PTPRR: variants seen among roughly 807,000 people sequenced by gnomAD.
The protein encoded by PTPRR is protein tyrosine phosphatase receptor type R, also known as receptor-type tyrosine-protein phosphatase R.
In PTPRR, 38 loss-of-function variants were observed where a neutral mutation model predicts 77.2. The ratio of observed to expected loss-of-function variants is 0.49; its 90% CI spans 0.38 to 0.65. The LOEUF (loss-of-function observed/expected upper bound fraction) is 0.65, where lower values mean the gene tolerates loss of function less well. PTPRR is among the 30% of genes least tolerant of loss of function. The probability of loss-of-function intolerance (pLI) is 0.00; values close to 1 mark genes in which losing one functional copy is unlikely to be tolerated. For synonymous variants in PTPRR, 299 were observed against 283.1 expected, an observed-to-expected ratio of 1.06 and a Z score of -0.57; for missense variants, 744 against 799.2, an observed-to-expected ratio of 0.93 and a Z score of 0.83.
intron 2 of PTPRR, among the ~76,000 whole-genome samples, chr12:70,809,240 G>T (rs1891766042): frequency 6.6e-6 from 1 of 152,164 alleles, no homozygotes; most frequent in South Asian, 2.1e-4. Flanking sequence ...ATGATGCTTA[G>T]AGATGTGCAG....
chr12:70,732,640 G>A (rs923983420), intron 6 of PTPRR, among the ~76,000 whole-genome samples: 1 of 151,988 alleles, frequency 6.6e-6, no homozygotes, highest in African/African-American at 2.4e-5. Flanking sequence ...AGCTCATTGC[G>A]ACCTCCGCAT....
At position 70,718,562 on chromosome 12, in the gene PTPRR, C is replaced by A. The variant is rs1035639199; in HGVS notation, c.1008-17239G>T. ...TACAGGTGTGAGCCACTATGCCTGG[C>A]CGGTCCACTGTTTTAAACACAAATA... On this transcript the variant is annotated intron_variant, in intron 6 of 13. Coordinates refer to ENST00000283228, the MANE Select transcript of PTPRR (RefSeq NM_002849.4). Among the ~76,000 whole-genome samples the A allele has an allele frequency of 3.1e-4, 47 of 152,084 alleles. 1 individual carries two copies. The highest frequency in any genetic ancestry group is 1.7e-3 in the Admixed American group (26 of 15,250).
At chr12:70,773,136 A>G (rs943935862) in intron 2 of PTPRR, among the ~76,000 whole-genome samples, 17 of 151,970 alleles carry the variant, frequency 1.1e-4, no homozygotes, top group African/African-American at 4.1e-4. Flanking sequence ...TCTGTGTCCA[A>G]ATTTTCCCTT....
At chr12:70,727,719 A>G (rs1889493623) in intron 6 of PTPRR, among the ~76,000 whole-genome samples, 1 of 152,204 alleles carries the variant, frequency 6.6e-6, no homozygotes, top group African/African-American at 2.4e-5. Context: ...ACTCAGACCC[A>G]GAGTCTCATA....
rs768001569 is a variant in PTPRR at position 70,661,003 on chromosome 12, A to G, written c.1703T>C (p.Met568Thr). 16 of 1,613,820 alleles carry G rather than the reference A, an allele frequency of 9.9e-6. No homozygotes were observed. The Admixed American group carries it at 1.0e-4, about 10-fold the overall frequency. Reference sequence around the variant, plus strand: ...AAGTCTGTCTTCTTCTACATCCAGCATGAGCTGTAGGAGGGGCTGGGCACT... The same window carrying G: ...AAGTCTGTCTTCTTCTACATCCAGCGTGAGCTGTAGGAGGGGCTGGGCACT... ...PDSAQPLLQLMLDVEEDRLAS... is the reference protein window; with the variant it reads ...PDSAQPLLQLTLDVEEDRLAS... Residue 568 changes from methionine (M) to threonine (T), a missense_variant, in exon 12 of 14, where the codon ATG becomes ACG. Coordinates refer to ENST00000283228, the MANE Select transcript of PTPRR (RefSeq NM_002849.4).
chr12:70,760,900 G>T (rs1318430488), intron 4 of PTPRR, among the ~76,000 whole-genome samples: 1 of 152,180 alleles, frequency 6.6e-6, no homozygotes, highest in East Asian at 1.9e-4. Context: ...GGTGGAGGTG[G>T]TAGAGGAAAT....
At chr12:70,857,012 T>C (rs1317205047) in intron 2 of PTPRR, among the ~76,000 whole-genome samples, 1 of 152,136 alleles carries the variant, frequency 6.6e-6, no homozygotes, top group Non-Finnish European at 1.5e-5. Context: ...GTTACCTGTG[T>C]AGCATCTAAA....
chr12:70,771,731 A>T (rs998100360), intron 2 of PTPRR, among the ~76,000 whole-genome samples: 1 of 152,160 alleles, frequency 6.6e-6, no homozygotes. Context: ...TCAGTTATCC[A>T]TCTTCAATTT....
intron 2 of PTPRR, among the ~76,000 whole-genome samples, chr12:70,811,112 AAG>A (rs1891801178): frequency 6.6e-6 from 1 of 152,202 alleles, no homozygotes; most frequent in Non-Finnish European, 1.5e-5. Context: ...AGATAAAAAA[AAG>A]AGCAACTTCA....
chr12:70,835,936 T>C (rs1892294794), intron 2 of PTPRR, among the ~76,000 whole-genome samples: 1 of 152,092 alleles, frequency 6.6e-6, no homozygotes, highest in South Asian at 2.1e-4. Context: ...GAGGTGGCCA[T>C]TCTGGTTCAT....
At chr12:70,819,607 G>T (rs78934326) in intron 2 of PTPRR, among the ~76,000 whole-genome samples, 5,032 of 152,252 alleles carry the variant, frequency 0.033, 106 homozygotes, top group Admixed American at 0.06. Context: ...CTTTATTCAG[G>T]TGTTTTGGTC....
chr12:70,710,423 T>A (rs1888783860), intron 6 of PTPRR, among the ~76,000 whole-genome samples: 1 of 152,104 alleles, frequency 6.6e-6, no homozygotes, highest in Non-Finnish European at 1.5e-5. Context: ...AACGCTTAAA[T>A]GTAAAAACCC....
At chr12:70,653,595 C>T (rs1207354561) in intron 13 of PTPRR, among the ~76,000 whole-genome samples, 1 of 152,120 alleles carries the variant, frequency 6.6e-6, no homozygotes, top group African/African-American at 2.4e-5. Flanking sequence ...AGTTTACAGG[C>T]ACATGTTAGG....
In PTPRR at chr12:70,874,791, G is replaced by A. The variant is rs143377683; in HGVS notation, c.357+17888C>T. Among the ~76,000 whole-genome samples, 734 of 151,696 alleles carry A rather than the reference G, an allele frequency of 4.8e-3. 10 individuals carry two copies. The highest frequency in any genetic ancestry group is 0.034 in the Middle Eastern group (10 of 294). On this transcript the variant is annotated intron_variant, in intron 2 of 13. Transcript: ENST00000283228. The stretch of plus-strand genomic sequence containing the variant: ...ACAAAAATTAGCTGGGCGTGGTGGC[G>A]TGCACCTATAGTACCAGCTGCTCCA...
intron 2 of PTPRR, among the ~76,000 whole-genome samples, chr12:70,892,150 TC>T (rs1040809578): frequency 5.9e-5 from 9 of 152,090 alleles, no homozygotes; most frequent in Admixed American, 5.9e-4. Flanking sequence ...TTCAGTAATA[TC>T]AAAAATGTTA....
intron 2 of PTPRR, among the ~76,000 whole-genome samples, chr12:70,825,250 C>CT (rs2137044907): frequency 6.6e-6 from 1 of 152,026 alleles, no homozygotes; most frequent in South Asian, 2.1e-4. Context: ...TACACTCCAG[C>CT]CTGGGCGACA....
chr12:70,656,973 T>C (rs531470911), intron 12 of PTPRR, among the ~76,000 whole-genome samples, 156 bp from the exon 13 acceptor site: 79 of 151,208 alleles, frequency 5.2e-4, no homozygotes, highest in Non-Finnish European at 4.0e-4. Flanking sequence ...GTGCTTAAAA[T>C]ATATTTTTAC....
At chr12:70,764,845 C>A in intron 2 of PTPRR, 67 bp from the exon 3 acceptor site, 1 of 1,173,644 alleles carries the variant, frequency 8.5e-7, no homozygotes, top group Non-Finnish European at 1.3e-6. Flanking sequence ...TAGAATACAT[C>A]CAAATAAGTA....
chr12:70,684,166 A>G lies in PTPRR; in HGVS notation c.1458T>C (p.Pro486=). 6.2e-7 allele frequency: 1 copy of G among 1,614,080 alleles called. No homozygotes were observed. The highest frequency in any genetic ancestry group is 8.5e-7 in the Non-Finnish European group (1 of 1,179,968). Residue 486 remains proline, a synonymous_variant, in exon 10 of 14, where the codon CCT becomes CCC. Transcript: ENST00000283228. ...TGAGTTTTGTGATCATAACAATCAC[A>G]GGGCTGTCTTCCTGCCAAACCATCT... The part of the protein sequence containing the change: ...FWQMVWQEDS[P]VIVMITKLKE...
Sources: allele counts gnomAD v4.1 joint callset (sites outside exome capture counted in the v4.1 genomes callset), GRCh38; gene constraint gnomAD v4.1.1; transcripts MANE v1.5; gene names NCBI Gene and HGNC (gene_info 2026-07-23, HGNC 2026-07-21).